B3GALT1: variants seen among roughly 807,000 people sequenced by gnomAD.
B3GALT1 encodes beta-1,3-galactosyltransferase 1, also known as UDP-Gal:betaGlcNAc beta 1,3-galactosyltransferase, polypeptide 1.
Under a neutral mutation model 23.2 loss-of-function variants are expected in B3GALT1, and 10 were observed. That is an observed-to-expected ratio of 0.43 (90% confidence interval 0.27 to 0.73). B3GALT1 has a LOEUF of 0.73. Among genes scored for constraint, B3GALT1 ranks in the 30% least tolerant of loss-of-function variants. The pLI, the probability that B3GALT1 is intolerant of heterozygous loss-of-function variation, is 0.21. For missense variants in B3GALT1, 299 were observed against 405.4 expected (o/e 0.74, Z 2.25); for synonymous variants, 156 against 141.5 (o/e 1.10, Z -0.73).
chr2:167,300,934 T>G (rs1019545617), intron 1 of B3GALT1, among the ~76,000 whole-genome samples: 1 of 152,178 alleles, frequency 6.6e-6, no homozygotes, highest in African/African-American at 2.4e-5. Context: ...AACATCAGTG[T>G]CTTCTTCTAT....
At chr2:167,717,576 CATA>C (rs1166571392) in intron 3 of B3GALT1, among the ~76,000 whole-genome samples, 1 of 151,932 alleles carries the variant, frequency 6.6e-6, no homozygotes, top group Non-Finnish European at 1.5e-5. Flanking sequence ...TTGGTTGCAA[CATA>C]ATATTCTACT....
At chr2:167,556,599 A>G (rs140344571) in intron 2 of B3GALT1, among the ~76,000 whole-genome samples, 1 of 152,328 alleles carries the variant, frequency 6.6e-6, no homozygotes, top group East Asian at 1.9e-4. Flanking sequence ...TTTAAACTCA[A>G]GAACCTCACT....
At chr2:167,539,547 A>C (rs1225637453) in intron 2 of B3GALT1, among the ~76,000 whole-genome samples, 1 of 152,154 alleles carries the variant, frequency 6.6e-6, no homozygotes, top group African/African-American at 2.4e-5. Context: ...GTACTGATAT[A>C]TTTTGTGAGA....
chr2:167,392,515 A>C (rs1698029156), intron 1 of B3GALT1, among the ~76,000 whole-genome samples: 1 of 152,204 alleles, frequency 6.6e-6, no homozygotes. Flanking sequence ...AGGACTGTCC[A>C]TGCTAGGAAA....
intron 2 of B3GALT1, among the ~76,000 whole-genome samples, chr2:167,613,991 G>C (rs533009323): frequency 1.3e-5 from 2 of 151,658 alleles, no homozygotes; most frequent in African/African-American, 2.4e-5. Context: ...GCTATGATGA[G>C]ACCAAGCTTC....
At chr2:167,462,052 G>A (rs752648063) in intron 1 of B3GALT1, among the ~76,000 whole-genome samples, 17 of 152,208 alleles carry the variant, frequency 1.1e-4, no homozygotes, top group East Asian at 1.9e-4. Flanking sequence ...TGTCATCACC[G>A]AAGGAGAATT....
At chr2:167,641,343 C>T (rs1318602635) in intron 2 of B3GALT1, among the ~76,000 whole-genome samples, 2 of 152,156 alleles carry the variant, frequency 1.3e-5, no homozygotes, top group Non-Finnish European at 2.9e-5. Context: ...TCTACTGAAA[C>T]AGCTCTGTTG....
At chr2:167,590,800 A>C (rs1684667176) in intron 2 of B3GALT1, among the ~76,000 whole-genome samples, 3 of 152,222 alleles carry the variant, frequency 2.0e-5, no homozygotes, top group African/African-American at 7.2e-5. Context: ...TGCCAAAATA[A>C]AGCACCACTC....
intron 4 of B3GALT1, among the ~76,000 whole-genome samples, chr2:167,835,893 C>T (rs1689455176): frequency 6.6e-6 from 1 of 152,214 alleles, no homozygotes; most frequent in African/African-American, 2.4e-5. Flanking sequence ...TCTGCAGACA[C>T]TACTGCTGAT....
chr2:167,318,050 G>A (rs547420379), intron 1 of B3GALT1, among the ~76,000 whole-genome samples: 9 of 152,130 alleles, frequency 5.9e-5, no homozygotes, highest in South Asian at 2.1e-4. Context: ...ATAAAGGGCC[G>A]GACGCGGTGG....
At chr2:167,316,612 T>C (rs79363675) in intron 1 of B3GALT1, among the ~76,000 whole-genome samples, 5,218 of 152,162 alleles carry the variant, frequency 0.034, 249 homozygotes, top group African/African-American at 0.11. Flanking sequence ...TCTTGGCTAA[T>C]AACATATTGA....
At chr2:167,419,053 A>T (rs1698511049) in intron 1 of B3GALT1, among the ~76,000 whole-genome samples, 1 of 152,212 alleles carries the variant, frequency 6.6e-6, no homozygotes, top group African/African-American at 2.4e-5. Flanking sequence ...ATACCAGAAA[A>T]AAATATTATT....
chr2:167,516,064 T>G (rs1700096095), intron 2 of B3GALT1, among the ~76,000 whole-genome samples: 1 of 152,016 alleles, frequency 6.6e-6, no homozygotes, highest in African/African-American at 2.4e-5. Flanking sequence ...CTATTTGTAG[T>G]TTTTCCCATT....
At chr2:167,576,455 T>C (rs1340346438) in intron 2 of B3GALT1, among the ~76,000 whole-genome samples, 1 of 150,950 alleles carries the variant, frequency 6.6e-6, no homozygotes, top group Non-Finnish European at 1.5e-5. Context: ...TAAGGAGAAT[T>C]TTTTAGTGAG....
chr2:167,616,397 A>G (rs1685163206), intron 2 of B3GALT1, among the ~76,000 whole-genome samples: 1 of 152,012 alleles, frequency 6.6e-6, no homozygotes, highest in Non-Finnish European at 1.5e-5. Flanking sequence ...GTGTCTCTGT[A>G]GGAAAAATAT....
At chr2:167,787,349 T>C (rs1292992015) in intron 3 of B3GALT1, among the ~76,000 whole-genome samples, 2 of 152,120 alleles carry the variant, frequency 1.3e-5, no homozygotes, top group African/African-American at 4.8e-5. Flanking sequence ...GCTCCTTAGA[T>C]AAGTAATGCA....
chr2:167,294,055 C>T (rs1574020526), intron 1 of B3GALT1, among the ~76,000 whole-genome samples: 1 of 152,204 alleles, frequency 6.6e-6, no homozygotes, highest in African/African-American at 2.4e-5. Context: ...GAGAGTCCCA[C>T]TCTGAGGTAC....
intron 4 of B3GALT1, among the ~76,000 whole-genome samples, chr2:167,839,958 G>C (rs1219911568): frequency 6.6e-6 from 1 of 151,914 alleles, no homozygotes; most frequent in Non-Finnish European, 1.5e-5. Flanking sequence ...AATGGTGCTG[G>C]GAAAACTGGC....
At chr2:167,584,647 A>G (rs1684555559) in intron 2 of B3GALT1, among the ~76,000 whole-genome samples, 1 of 152,166 alleles carries the variant, frequency 6.6e-6, no homozygotes, top group Non-Finnish European at 1.5e-5. Context: ...TACCTGTGAT[A>G]CTTTTGACTG....
Sources: gnomAD v4.1 joint callset for allele counts (sites outside exome capture counted in the v4.1 genomes callset) on GRCh38, gnomAD v4.1.1 for gene constraint, MANE v1.5 for transcripts, NCBI Gene and HGNC (gene_info 2026-07-23, HGNC 2026-07-21) for gene names.